KIAA1210: variants seen among roughly 807,000 people sequenced by gnomAD.
KIAA1210 encodes the protein acrosomal protein KIAA1210.
A neutral mutation model predicts 78.9 loss-of-function variants in KIAA1210; 48 were observed. That is an observed-to-expected ratio of 0.61 (90% CI 0.48 to 0.77). The LOEUF (loss-of-function observed/expected upper bound fraction) is 0.77. Among genes scored for constraint, KIAA1210 ranks in the 30% least tolerant of loss-of-function variants. The pLI is 0.00. For synonymous variants in KIAA1210, 406 were observed against 404.5 expected, an observed-to-expected ratio of 1.00 and a Z score of -0.04; for missense variants, 1,108 against 1,100.0, an observed-to-expected ratio of 1.01 and a Z score of -0.10.
chrX:119,111,615 G>A (rs1928077027), intron 3 of KIAA1210, among the ~76,000 whole-genome samples: 1 of 108,834 alleles, frequency 9.2e-6, no homozygotes, highest in Non-Finnish European at 1.9e-5. Context: ...TGGGGTGGGG[G>A]GCTAGGGGAG....
intron 6 of KIAA1210, among the ~76,000 whole-genome samples, chrX:119,098,396 G>C (rs1262727027): frequency 1.8e-5 from 2 of 111,573 alleles, no homozygotes; most frequent in African/African-American, 6.5e-5. Flanking sequence ...ACTGAGGTCA[G>C]GAGTTTGAGG....
rs1034033668 is a variant in KIAA1210 at position 119,109,173 on chromosome X, A to G, written c.260T>C (p.Leu87Pro). The G allele has an allele frequency of 1.6e-5, 19 of 1,203,218 alleles. No individual in the cohort carries two copies. The African/African-American group carries it at 3.3e-4, about 21-fold the overall frequency. Residue 87 changes from leucine (L) to proline (P), a missense_variant, in exon 4 of 12, where the codon CTA (leucine) becomes CCA (proline). Coordinates refer to ENST00000691062, the MANE Select transcript of KIAA1210 (RefSeq NM_001394962.1). ...RAKSSMGSKALSHDSIFMLGP... is the reference protein window; with the variant it reads ...RAKSSMGSKAPSHDSIFMLGP... Reference sequence around the variant, plus strand: ...CAACATGAAGATGCTATCATGGGATAGGGCTTTGCTCCCCATGCTGCTCTT... The same window carrying G: ...CAACATGAAGATGCTATCATGGGATGGGGCTTTGCTCCCCATGCTGCTCTT...
Position 119,089,360 on chromosome X carries a change from T to G in KIAA1210, c.1342A>C (p.Ile448Leu). 8.3e-7 allele frequency: 1 copy of G among 1,211,684 alleles called. No homozygotes were observed. The highest frequency in any genetic ancestry group is 1.1e-6 in the Non-Finnish European group (1 of 895,393). ...KDDMGRRNAG[I>L]DFGSRKASAA... ...GATGCTTTTCTGGATCCGAAATCTA[T>G]GCCAGCATTTCTCCTTCCCATGTCA... Residue 448 changes from isoleucine to leucine, a missense_variant, in exon 9 of 12, where the codon ATA becomes CTA. Physicochemically the swap from Ile to Leu is conservative, Grantham distance 5. This residue lies in a region of KIAA1210 where 672 missense variants were observed against 607.1 expected (regional missense o/e 1.11). Coordinates refer to ENST00000691062, the MANE Select transcript of KIAA1210 (RefSeq NM_001394962.1).
chrX:119,148,162 T>C (rs1168600665), intron 1 of KIAA1210, among the ~76,000 whole-genome samples: 1 of 110,864 alleles, frequency 9.0e-6, no homozygotes, highest in Non-Finnish European at 1.9e-5. Context: ...CAACAAAAAG[T>C]TGCCTGAGCT....
chrX:119,137,577 G>A (rs1038161145), intron 2 of KIAA1210, among the ~76,000 whole-genome samples: 1 of 112,762 alleles, frequency 8.9e-6, no homozygotes, highest in Non-Finnish European at 1.9e-5. Context: ...AAACTCTAGG[G>A]CAAGCTTGTC....
chrX:119,148,471 C>T (rs1203813957), intron 1 of KIAA1210, among the ~76,000 whole-genome samples: 1 of 111,950 alleles, frequency 8.9e-6, no homozygotes, highest in Non-Finnish European at 1.9e-5. Flanking sequence ...AGTTCTTTTG[C>T]TTTGCCTTCA....
At chrX:119,133,281 T>C (rs1373327417) in intron 2 of KIAA1210, among the ~76,000 whole-genome samples, 1 of 111,767 alleles carries the variant, frequency 8.9e-6, no homozygotes, top group East Asian at 2.8e-4. Flanking sequence ...ATGCAGCCCT[T>C]GGACACTCCG....
At position 119,116,424 on chromosome X, in the gene KIAA1210, C is replaced by T. The variant is rs1340212727; in HGVS notation, c.230+72G>A. 1.1e-5 allele frequency: 12 copies of T among 1,077,419 alleles called. No homozygotes were observed. In the Admixed American group the frequency reaches 1.3e-4, roughly 12 times the overall value. 88.8% of individuals were successfully genotyped at this position (1,077,419 alleles called of 1,213,427 possible). Reference sequence around the variant, plus strand: ...TTGGTGTCCCTGGTGATTTGGCTGCCGAAAGGTGACCTAGATCCAACTGCC... The same window carrying T: ...TTGGTGTCCCTGGTGATTTGGCTGCTGAAAGGTGACCTAGATCCAACTGCC... On this transcript the variant is annotated intron_variant, in intron 3 of 11. Coordinates refer to ENST00000691062, the MANE Select transcript of KIAA1210 (RefSeq NM_001394962.1).
chrX:119,087,348 G>A lies in KIAA1210; in HGVS notation c.3354C>T (p.Pro1118=). 1.7e-6 allele frequency: 2 copies of A among 1,211,090 alleles called. No individual in the cohort carries two copies. Among genetic ancestry groups the A allele is most frequent in the Non-Finnish European group, 2.2e-6 (2 of 895,025 alleles). Residue 1118 remains proline, a synonymous_variant, in exon 9 of 12, where the codon CCC becomes CCT. Coordinates refer to ENST00000691062, the MANE Select transcript of KIAA1210 (RefSeq NM_001394962.1). ...KCSSFKEQLS[P]RQLSQALRKP... is the part of the protein sequence containing the mutation. The stretch of plus-strand genomic sequence containing the variant: ...TCCTCAAGGCCTGGGAAAGCTGCCT[G>A]GGAGACAGCTGCTCTTTAAAACTGC...
Position 119,078,742 on chromosome X carries a change from T to C in KIAA1210, c.*2587A>G, listed in dbSNP as rs1011909262. The C allele has an allele frequency of 3.5e-5, 4 of 112,996 alleles. No individual in the cohort carries two copies. The highest frequency in any genetic ancestry group is 1.3e-4 in the African/African-American group (4 of 31,139). 9.3% of individuals were successfully genotyped at this position (112,996 alleles called of 1,213,427 possible). ...TTAGGCATTTAAAAAGAACTTAATC[T>C]CTTCATTTAAAAACAGAACTTTGTT... On this transcript the variant is annotated 3_prime_UTR_variant, in exon 12 of 12. Transcript: ENST00000691062.
rs189435656 is a variant in KIAA1210 at position 119,093,982 on chromosome X, T to C, written c.847-207A>G. 8.1e-4 allele frequency: 916 copies of C among 1,129,634 alleles called. 10 individuals are homozygous for C. The African/African-American group carries it at 0.014, about 17-fold the overall frequency. The allele number at this position is 1,129,634 out of a possible 1,213,427, so 93.1% of individuals were successfully genotyped here. ...ACCAAGAGATCCTTGGGGATCATTT[T>C]ACCTACTGGAAGTGGTTCATCCAGG... On this transcript the variant is annotated intron_variant, in intron 7 of 11. Transcript: ENST00000691062.
chrX:119,148,292 G>C (rs751196883), intron 1 of KIAA1210, among the ~76,000 whole-genome samples: 1 of 111,808 alleles, frequency 8.9e-6, no homozygotes, highest in South Asian at 3.8e-4. Context: ...ATCTGAGCTA[G>C]ACAGCTCTGT....
rs1927144700 is a variant in KIAA1210 at position 119,086,651 on chromosome X, C to T, written c.4051G>A (p.Asp1351Asn). The change falls in exon 9 of 12, where the codon GAT (aspartate) becomes AAT (asparagine). Residue 1351 changes from aspartate to asparagine, a missense_variant. By Grantham distance (23) the Asp-to-Asn change is conservative. Transcript: ENST00000691062. ...KIRSTSQGLL[D>N]AAGNLTKISY... ...ATTTTGGTGAGGTTCCCTGCAGCAT[C>T]CAGGAGCCCCTGGGAAGTGCTTCTG... is the stretch of plus-strand genomic sequence containing the variant. 1.7e-6 allele frequency: 2 copies of T among 1,211,368 alleles called. No individual in the cohort carries two copies. The highest frequency in any genetic ancestry group is 2.2e-6 in the Non-Finnish European group (2 of 895,266).
At position 119,104,994 on chromosome X, in the gene KIAA1210, G is replaced by C. The variant is rs763019229; in HGVS notation, c.646C>G (p.Gln216Glu). The C allele has an allele frequency of 2.5e-6, 3 of 1,208,176 alleles. No homozygotes were observed. In the Admixed American group the frequency reaches 6.6e-5, roughly 26 times the overall value. The change falls in exon 6 of 12, where the codon CAG becomes GAG. Residue 216 changes from glutamine (Q) to glutamate (E), a missense_variant and splice_region_variant. Gln to Glu is a conservative substitution (Grantham distance 29, BLOSUM62 2). Transcript: ENST00000691062. ...ALPHKSLTAT[Q>E]SFSELSSGPD... ...CCTGTCCCTTAATATATACTCACCT[G>C]AGTCGCTGTCAAACTCTTATGTGGT...
chrX:119,147,356 T>C (rs1006909009), intron 2 of KIAA1210: 1 of 846,376 alleles, frequency 1.2e-6, no homozygotes, highest in African/African-American at 2.0e-5. Flanking sequence ...TAACCCACAC[T>C]GCTTCCAGGG....
chrX:119,143,500 C>T (rs1180855700), intron 2 of KIAA1210, among the ~76,000 whole-genome samples: 1 of 112,201 alleles, frequency 8.9e-6, no homozygotes, highest in Non-Finnish European at 1.9e-5. Flanking sequence ...TATTTGTGAC[C>T]ACCCAGGCCC....
At chrX:119,099,081 C>G (rs1011650126) in intron 6 of KIAA1210, among the ~76,000 whole-genome samples, 1 of 112,408 alleles carries the variant, frequency 8.9e-6, no homozygotes, top group African/African-American at 3.2e-5. Context: ...GTCTATGAAT[C>G]TGGAAACCCT....
chrX:119,101,388 C>A (rs1483644222), intron 6 of KIAA1210, among the ~76,000 whole-genome samples: 1 of 109,019 alleles, frequency 9.2e-6, no homozygotes, highest in Non-Finnish European at 1.9e-5. Context: ...ATAAAGCTGT[C>A]ACTCTTGAGA....
intron 2 of KIAA1210, among the ~76,000 whole-genome samples, chrX:119,118,986 A>G (rs1298161319): frequency 8.9e-6 from 1 of 112,182 alleles, no homozygotes; most frequent in African/African-American, 3.2e-5. Context: ...AGCTGTGTCC[A>G]CTGGGGAGCG....
Sources: allele counts gnomAD v4.1 joint callset (sites outside exome capture counted in the v4.1 genomes callset), GRCh38; gene constraint gnomAD v4.1.1; regional missense constraint gnomAD v4.1.1; transcripts MANE v1.5; gene names NCBI Gene and HGNC (gene_info 2026-07-23, HGNC 2026-07-21).